CCDC178: variants seen among roughly 807,000 people sequenced by gnomAD.
CCDC178 encodes coiled-coil domain-containing protein 178.
In CCDC178, 126 loss-of-function variants were observed where a neutral mutation model predicts 117.4. The ratio of observed to expected loss-of-function variants is 1.07; its 90% CI spans 0.93 to 1.24. CCDC178 has a LOEUF of 1.24. Among genes scored for constraint, CCDC178 ranks in the 50% most tolerant of loss-of-function variants. The probability of loss-of-function intolerance (pLI) is 0.00; values close to 1 mark genes in which losing one functional copy is unlikely to be tolerated. For missense variants in CCDC178, 1,030 were observed against 986.9 expected (o/e 1.04, Z -0.59); for synonymous variants, 283 against 313.4 (o/e 0.90, Z 1.02).
chr18:32,959,711 T>C (rs890532293), intron 22 of CCDC178, among the ~76,000 whole-genome samples: 1 of 152,120 alleles, frequency 6.6e-6, no homozygotes, highest in Non-Finnish European at 1.5e-5. Context: ...CATCATTATA[T>C]AATGATGATG....
chr18:33,033,361 C>T (rs1350299838), intron 21 of CCDC178, among the ~76,000 whole-genome samples: 1 of 151,940 alleles, frequency 6.6e-6, no homozygotes, highest in Non-Finnish European at 1.5e-5. Context: ...AGGAAAAAAG[C>T]CCTTGAATAA....
intron 12 of CCDC178, among the ~76,000 whole-genome samples, chr18:33,283,746 C>CA (rs2060054426): frequency 6.6e-6 from 1 of 151,862 alleles, no homozygotes; most frequent in Admixed American, 6.6e-5. Context: ...ACTAAAAAGC[C>CA]AAAAAAATAA....
At chr18:33,162,640 G>C (rs550282196) in intron 20 of CCDC178, among the ~76,000 whole-genome samples, 1 of 152,050 alleles carries the variant, frequency 6.6e-6, no homozygotes, top group South Asian at 2.1e-4. Flanking sequence ...GTGTCCATGA[G>C]TTATCACCAT....
At chr18:33,018,038 A>C (rs1051978320) in intron 21 of CCDC178, among the ~76,000 whole-genome samples, 20 of 152,096 alleles carry the variant, frequency 1.3e-4, no homozygotes, top group African/African-American at 4.6e-4. Context: ...CTTATAGCTG[A>C]TGAAGGACTT....
At chr18:33,175,489 C>T (rs1427542950) in intron 20 of CCDC178, among the ~76,000 whole-genome samples, 1 of 151,958 alleles carries the variant, frequency 6.6e-6, no homozygotes, top group Non-Finnish European at 1.5e-5. Flanking sequence ...TACAGGTGTC[C>T]CCCTCCATGC....
chr18:33,092,846 A>G lies in CCDC178; in HGVS notation c.2303T>C (p.Ile768Thr). 1 of 1,586,180 alleles carries G rather than the reference A, an allele frequency of 6.3e-7. No individual in the cohort carries two copies. The highest frequency in any genetic ancestry group is 8.6e-7 in the Non-Finnish European group (1 of 1,162,920). Residue 768 changes from isoleucine to threonine, a missense_variant, in exon 21 of 23, where the codon ATT becomes ACT. Transcript: ENST00000383096. ...ATTGTCCTTTTCTTTTAAGAATGTA[A>G]TCTGTAGCTGTTGATACTCTTGAGC... ...RLAQEYQQLQ[I>T]TFLKEKDNYF...
intron 22 of CCDC178, among the ~76,000 whole-genome samples, chr18:32,966,959 GT>G (rs908718892): frequency 6.6e-6 from 1 of 151,396 alleles, no homozygotes; most frequent in Admixed American, 6.6e-5. Context: ...TAATTCTAAA[GT>G]TTTTTTTGTT....
rs775516220 is a variant in CCDC178, at chr18:33,328,102, T to G, written c.880-4469A>C. The G allele has an allele frequency of 3.6e-3, 651 of 181,400 alleles. 4 individuals carry two copies. The highest frequency in any genetic ancestry group is 4.6e-3 in the Non-Finnish European group (498 of 108,150). 11.2% of individuals were successfully genotyped at this position (181,400 alleles called of 1,614,324 possible). A position where few individuals can be genotyped will look rare whatever the true frequency, so the allele number is the denominator to read the frequency against. ...CCCTAGATTTTTTTTTTTTTTTTTT[T>G]TTTTTTTTTTTTTTTTTTGAGACAG... On this transcript the variant is annotated intron_variant, in intron 10 of 22. Coordinates refer to ENST00000383096, the MANE Select transcript of CCDC178 (RefSeq NM_001105528.4).
intron 21 of CCDC178, among the ~76,000 whole-genome samples, chr18:33,015,137 TCCCA>T (rs2055955585): frequency 2.6e-5 from 4 of 151,596 alleles, no homozygotes; most frequent in African/African-American, 9.7e-5. Flanking sequence ...GTGCCTGTAA[TCCCA>T]GCTACTTGGG....
chr18:32,959,671 T>C (rs1412494562), intron 22 of CCDC178, among the ~76,000 whole-genome samples: 1 of 152,094 alleles, frequency 6.6e-6, no homozygotes, highest in Non-Finnish European at 1.5e-5. Flanking sequence ...TGAAAAATCA[T>C]GTGCCTGAGT....
chr18:33,129,186 G>T (rs1203577221), intron 20 of CCDC178, among the ~76,000 whole-genome samples: 1 of 152,004 alleles, frequency 6.6e-6, no homozygotes, highest in East Asian at 1.9e-4. Flanking sequence ...AATGAACAGG[G>T]TCCTTAACTG....
intron 20 of CCDC178, among the ~76,000 whole-genome samples, chr18:33,167,273 T>C (rs1435777067): frequency 6.6e-6 from 1 of 152,154 alleles, no homozygotes; most frequent in Non-Finnish European, 1.5e-5. Context: ...TAGAGTGATT[T>C]ATGTATACTC....
intron 21 of CCDC178, among the ~76,000 whole-genome samples, chr18:33,070,410 C>A (rs527567313): frequency 6.6e-6 from 1 of 151,968 alleles, no homozygotes; most frequent in African/African-American, 2.4e-5. Context: ...ATGAAATAAG[C>A]CAGGGATAAA....
chr18:33,309,172 G>A (rs2062300647), intron 11 of CCDC178, among the ~76,000 whole-genome samples: 1 of 119,678 alleles, frequency 8.4e-6, no homozygotes, highest in Admixed American at 1.0e-4. Flanking sequence ...CCAAAAATAA[G>A]CTTTGTGTTT....
intron 20 of CCDC178, among the ~76,000 whole-genome samples, chr18:33,161,416 T>A (rs1349905197): frequency 4.6e-5 from 7 of 152,058 alleles, no homozygotes; most frequent in Non-Finnish European, 8.8e-5. Flanking sequence ...ACACAATATA[T>A]GAAAAGGCCA....
chr18:33,419,002 T>C (rs1464874885), intron 2 of CCDC178, among the ~76,000 whole-genome samples: 1 of 151,796 alleles, frequency 6.6e-6, no homozygotes, highest in Non-Finnish European at 1.5e-5. Flanking sequence ...AAAATTCATA[T>C]GGAACCAAAA....
chr18:33,351,342 G>A (rs1329983704), intron 7 of CCDC178, among the ~76,000 whole-genome samples: 2 of 151,894 alleles, frequency 1.3e-5, no homozygotes, highest in South Asian at 2.1e-4. Context: ...ACAGGCGCCC[G>A]CCATCACACC....
intron 21 of CCDC178, chr18:32,983,386 A>T: frequency 7.5e-7 from 1 of 1,324,892 alleles, no homozygotes; most frequent in Non-Finnish European, 1.0e-6. Context: ...ATTACAAATG[A>T]AGCCATTTCA....
intron 22 of CCDC178, chr18:32,938,387 A>G (rs998893222): frequency 4.2e-6 from 1 of 235,440 alleles, no homozygotes; most frequent in Non-Finnish European, 8.2e-6. Flanking sequence ...TCCTTGTCCC[A>G]TTACAAAGAT....
Sources: allele counts gnomAD v4.1 joint callset (sites outside exome capture counted in the v4.1 genomes callset), GRCh38; gene constraint gnomAD v4.1.1; transcripts MANE v1.5; gene names NCBI Gene and HGNC (gene_info 2026-07-23, HGNC 2026-07-21).